Variants in RNF44 observed in about 807,000 individuals in gnomAD.
RNF44 encodes ring finger protein 44.
Under a neutral mutation model 53.6 loss-of-function variants are expected in RNF44, and 25 were observed. The ratio of observed to expected loss-of-function variants is 0.47; its 90% CI spans 0.34 to 0.65. RNF44 has a LOEUF of 0.65. Among genes scored for constraint, RNF44 ranks in the 30% least tolerant of loss-of-function variants. The probability of loss-of-function intolerance (pLI) is 0.01; values close to 1 mark genes in which losing one functional copy is unlikely to be tolerated. For synonymous variants in RNF44, 282 were observed against 252.2 expected (o/e 1.12, Z -1.12); for missense variants, 581 against 595.5 (o/e 0.98, Z 0.25).
At chr5:176,540,032 T>C (rs1323959325), upstream of RNF44, among the ~76,000 whole-genome samples, 1 of 152,258 alleles carries the variant, frequency 6.6e-6, no homozygotes, top group African/African-American at 2.4e-5. Context: ...ACTCACCTTT[T>C]ACAGGAAGCT....
chr5:176,539,267 CATGTGCATGAGAAT>C (rs1757390458), upstream of RNF44, among the ~76,000 whole-genome samples: 1 of 152,234 alleles, frequency 6.6e-6, no homozygotes, highest in Admixed American at 6.5e-5. Context: ...TTAAAAATTA[CATGTGCATGAGAAT>C]AAGTGTGGCT....
chr5:176,530,921 G>GGGGGGGGGGGGGGGCC lies in RNF44; in HGVS notation c.565_566insGGCCCCCCCCCCCCCC (p.Ala189GlyfsTer148). On this transcript the variant is annotated frameshift_variant, in exon 5 of 11. Coordinates refer to ENST00000274811, the MANE Select transcript of RNF44 (RefSeq NM_014901.5). LOFTEE classifies it high-confidence loss of function. Reference sequence around the variant, plus strand: ...CATGTGGGTGGGCTGGGGGGGTGGGGCCGGTGGTGGGGGGTGCAGGATGTA... The same window carrying GGGGGGGGGGGGGGGCC: ...CATGTGGGTGGGCTGGGGGGGTGGGGGGGGGGGGGGGGGGCCCCGGTGGTGGGGGGTGCAGGATGTA... 1 of 778,464 alleles carries GGGGGGGGGGGGGGGCC rather than the reference G, an allele frequency of 1.3e-6. No homozygotes were observed. Among genetic ancestry groups the GGGGGGGGGGGGGGGCC allele is most frequent in the Non-Finnish European group, 1.9e-6 (1 of 514,214 alleles). The allele number at this position is 778,464 out of a possible 1,614,324, so 48.2% of individuals were successfully genotyped here.
At chr5:176,538,250 A>G (rs1322561341), upstream of RNF44, among the ~76,000 whole-genome samples, 1 of 152,216 alleles carries the variant, frequency 6.6e-6, no homozygotes, top group African/African-American at 2.4e-5. Context: ...TGAAGCGTCT[A>G]TACTTTAGTT....
rs1007826364 is a variant in RNF44, at chr5:176,527,288, T to C, written c.*1740A>G. The C allele has an allele frequency of 1.3e-5, 2 of 152,392 alleles. No homozygotes were observed. The highest frequency in any genetic ancestry group is 3.9e-4 in the East Asian group (2 of 5,194). The allele number at this position is 152,392 out of a possible 1,614,324, so 9.4% of individuals were successfully genotyped here. ...ACATCCTAAGTAATTGTTGTATAAATCTTGTTTTTTAATGATGATCTTTTT... is the reference window on the plus strand; with the variant it reads ...ACATCCTAAGTAATTGTTGTATAAACCTTGTTTTTTAATGATGATCTTTTT... On this transcript the variant is annotated 3_prime_UTR_variant, in exon 11 of 11. Coordinates refer to ENST00000274811, the MANE Select transcript of RNF44 (RefSeq NM_014901.5).
Position 176,531,511 on chromosome 5 carries a change from G to A in RNF44, c.417C>T (p.Ser139=), listed in dbSNP as rs1027840437. 5.0e-6 allele frequency: 8 copies of A among 1,601,422 alleles called. No individual in the cohort carries two copies. The highest frequency in any genetic ancestry group is 2.3e-5 in the East Asian group (1 of 44,180). ...GGTAATGCTGCCCACTGAACATCAC[G>A]GAGCATGCTGGGAGCTGCTGGGCAC... ...GCSAQQLPAC[S]VMFSGQHYPL... is the part of the protein sequence containing the mutation. The change falls in exon 4 of 11, where the codon TCC becomes TCT. Residue 139 remains serine (S), a synonymous_variant. Transcript: ENST00000274811. This position sits in a 1 kb window ranked among gnomAD's most constrained non-coding sequence, Gnocchi z 4.2.
chr5:176,530,390 GCCTCCCAGCCGCCCC>G (rs1561845369), intron 6 of RNF44, among the ~76,000 whole-genome samples, 177 bp downstream of exon 6: 2 of 110,954 alleles, frequency 1.8e-5, no homozygotes, highest in African/African-American at 6.5e-5. Flanking sequence ...CGGTGGGCCT[GCCTCCCAGCCGCCCC>G]GGAGCCCAGG....
chr5:176,531,466 G>A lies in RNF44; in HGVS notation c.462C>T (p.Pro154=), dbSNP rs1266766012. Residue 154 remains proline (P), a synonymous_variant, in exon 4 of 11, where the codon CCC becomes CCT. Coordinates refer to ENST00000274811, the MANE Select transcript of RNF44 (RefSeq NM_014901.5). This position sits in a 1 kb window ranked among gnomAD's most constrained non-coding sequence, Gnocchi z 4.2. ...GQHYPLCCLP[P]PLIQACTMQQ... ...GGAGCTAGAAACACTCACTCACCGG[G>A]GGCGGGAGGCAGCAGAGGGGGTAAT... The A allele has an allele frequency of 6.4e-7, 1 of 1,557,194 alleles. No individual in the cohort carries two copies. The highest frequency in any genetic ancestry group is 2.4e-5 in the East Asian group (1 of 41,324).
Position 176,529,027 on chromosome 5 carries a change from C to A in RNF44, c.*1G>T. On this transcript the variant is annotated 3_prime_UTR_variant, in exon 11 of 11. Transcript: ENST00000274811. Reference sequence around the variant, plus strand: ...TCTCCCGGGCAGGCGGCTGCGTGGCCTCACTCAGCCTCCCTGGGCACCTCG... The same window carrying A: ...TCTCCCGGGCAGGCGGCTGCGTGGCATCACTCAGCCTCCCTGGGCACCTCG... 3 of 1,611,722 alleles carry A rather than the reference C, an allele frequency of 1.9e-6. No individual in the cohort carries two copies. The South Asian group carries it at 3.3e-5, about 18-fold the overall frequency.
At position 176,532,403 on chromosome 5, in the gene RNF44, C is replaced by G; in HGVS notation, c.70G>C (p.Ala24Pro). ...TGGCCCGGGGTGCTGCCAGGTCCCG[C>G]AGAGAATCGCCGCTGGCCCACGGGG... ...SAPVGQRRFSAGPGSTPGQLW... is the reference protein window; with the variant it reads ...SAPVGQRRFSPGPGSTPGQLW... The change falls in exon 2 of 11, where the codon GCG becomes CCG. Residue 24 changes from alanine (A) to proline (P), a missense_variant. Ala to Pro is a conservative substitution (Grantham distance 27). This residue lies in a region of RNF44 where 387 missense variants were observed against 366.0 expected (regional missense o/e 1.06). Transcript: ENST00000274811. The G allele has an allele frequency of 6.2e-7, 1 of 1,609,860 alleles. No homozygotes were observed. The highest frequency in any genetic ancestry group is 8.5e-7 in the Non-Finnish European group (1 of 1,179,208).
chr5:176,531,056 C>T lies in RNF44; in HGVS notation c.466-35G>A. Reference sequence around the variant, plus strand: ...GAGGGGGCAGGGGGCTGAGAACGTTCTCCTGGGCTCTGGGCCAGGTCTACG... The same window carrying T: ...GAGGGGGCAGGGGGCTGAGAACGTTTTCCTGGGCTCTGGGCCAGGTCTACG... On this transcript the variant is annotated intron_variant, in intron 4 of 10. Coordinates refer to ENST00000274811, the MANE Select transcript of RNF44 (RefSeq NM_014901.5). This position sits in a 1 kb window ranked among gnomAD's most constrained non-coding sequence, Gnocchi z 4.2. 1 of 1,418,230 alleles carries T rather than the reference C, an allele frequency of 7.1e-7. No homozygotes were observed. Among genetic ancestry groups the T allele is most frequent in the Non-Finnish European group, 9.2e-7 (1 of 1,083,024 alleles). 87.9% of individuals were successfully genotyped at this position (1,418,230 alleles called of 1,614,324 possible). A position where few individuals can be genotyped will look rare whatever the true frequency, so the allele number is the denominator to read the frequency against.
At position 176,527,739 on chromosome 5, in the gene RNF44, CAAGA is replaced by C. The variant is rs954231635; in HGVS notation, c.*1285_*1288del. The C allele has an allele frequency of 6.6e-6, 1 of 152,302 alleles. No individual in the cohort carries two copies. Among genetic ancestry groups the C allele is most frequent in the Non-Finnish European group, 1.5e-5 (1 of 68,104 alleles). The allele number at this position is 152,302 out of a possible 1,614,324, so 9.4% of individuals were successfully genotyped here. ...GCAGCAACCCCAGCTGGGTATAGGA[CAAGA>C]AAGGATTGGGACCAGGGAAAGTGGG... is the stretch of plus-strand genomic sequence containing the variant. On this transcript the variant is annotated 3_prime_UTR_variant, in exon 11 of 11. Transcript: ENST00000274811.
rs1052707161 is a variant in RNF44 at position 176,531,404 on chromosome 5, C to T, written c.465+59G>A. 68 of 1,500,882 alleles carry T rather than the reference C, an allele frequency of 4.5e-5. No individual in the cohort carries two copies. The African/African-American group carries it at 5.9e-4, about 13-fold the overall frequency. The allele number at this position is 1,500,882 out of a possible 1,614,324, so 93.0% of individuals were successfully genotyped here. On this transcript the variant is annotated intron_variant, in intron 4 of 10. Transcript: ENST00000274811. The surrounding 1 kb of genome is among the most constrained non-coding windows in gnomAD (Gnocchi z 4.2). ...CAGGGCTGCCCTGGGCCCGCTGAGC[C>T]GCTGGCCTGTGCCTGGGGCTTGCAG...
At chr5:176,539,793 T>G (rs1393956175), upstream of RNF44, among the ~76,000 whole-genome samples, 2 of 152,150 alleles carry the variant, frequency 1.3e-5, no homozygotes, top group Non-Finnish European at 2.9e-5. Flanking sequence ...TACTGCCAAC[T>G]GCATGGAAGC....
At chr5:176,534,108 G>A (rs1756954454) in intron 1 of RNF44, among the ~76,000 whole-genome samples, 1 of 152,226 alleles carries the variant, frequency 6.6e-6, no homozygotes, top group Non-Finnish European at 1.5e-5. Flanking sequence ...GGAGACCGGG[G>A]CCCGACCAGC....
upstream of RNF44, among the ~76,000 whole-genome samples, chr5:176,542,273 C>T (rs2113228950): frequency 6.6e-6 from 1 of 152,220 alleles, no homozygotes; most frequent in African/African-American, 2.4e-5. Context: ...CTCTGGTTAG[C>T]CTGTGACCTT....
At chr5:176,537,630 C>G (rs1221980700), upstream of RNF44, 3 of 152,244 alleles carry the variant, frequency 2.0e-5, no homozygotes, top group Non-Finnish European at 4.4e-5. Context: ...GGCTGCAACT[C>G]GAACTTGCTA....
In RNF44 at chr5:176,529,762, T is replaced by C. The variant is rs1234208235; in HGVS notation, c.983A>G (p.Asp328Gly). 6.2e-7 allele frequency: 1 copy of C among 1,612,186 alleles called. No individual in the cohort carries two copies. The highest frequency in any genetic ancestry group is 8.5e-7 in the Non-Finnish European group (1 of 1,179,106). ...GTTCTCCATCTCCACATCATCCACGTCCAGGTCCAGGCTGATGGTGGGCCC... is the reference window on the plus strand; with the variant it reads ...GTTCTCCATCTCCACATCATCCACGCCCAGGTCCAGGCTGATGGTGGGCCC... ...AMGPTISLDL[D>G]VDDVEMENYE... Residue 328 changes from aspartate to glycine, a missense_variant, in exon 8 of 11, where the codon GAC (aspartate) becomes GGC (glycine). Transcript: ENST00000274811.
chr5:176,531,568 G>A lies in RNF44; in HGVS notation c.360C>T (p.Pro120=), dbSNP rs758124270. 1 of 1,613,414 alleles carries A rather than the reference G, an allele frequency of 6.2e-7. No individual in the cohort carries two copies. Among genetic ancestry groups the A allele is most frequent in the Non-Finnish European group, 8.5e-7 (1 of 1,179,800 alleles). The change falls in exon 4 of 11, where the codon CCC becomes CCT. Residue 120 remains proline (P), a synonymous_variant. Transcript: ENST00000274811. This position sits in a 1 kb window ranked among gnomAD's most constrained non-coding sequence, Gnocchi z 4.2. ...TVTTVTTQGF[P]LPTGQHIPGC... ...CAGGGATGTGCTGGCCTGTAGGCAA[G>A]GGGAAGCCTTGGGTCGTCACTGTGG...
chr5:176,540,351 G>A (rs546232205), upstream of RNF44, among the ~76,000 whole-genome samples: 51 of 152,226 alleles, frequency 3.4e-4, no homozygotes, highest in African/African-American at 1.2e-3. Flanking sequence ...CCAGGAAAGC[G>A]ACCCTCCAGC....
Sources: allele counts gnomAD v4.1 joint callset (sites outside exome capture counted in the v4.1 genomes callset), GRCh38; gene constraint gnomAD v4.1.1; regional missense constraint gnomAD v4.1.1; non-coding constraint Gnocchi (gnomAD v3.1); transcripts MANE v1.5; gene names NCBI Gene and HGNC (gene_info 2026-07-23, HGNC 2026-07-21).